PLCG2: variants seen among roughly 807,000 people sequenced by gnomAD.
The protein encoded by PLCG2 is phospholipase C gamma 2.
Under a neutral mutation model 175.6 loss-of-function variants are expected in PLCG2, and 69 were observed. The observed-to-expected ratio is 0.39, with a 90% confidence interval of 0.32 to 0.48. The LOEUF (loss-of-function observed/expected upper bound fraction) is 0.48. PLCG2 is among the 20% of genes least tolerant of loss of function. The probability of loss-of-function intolerance (pLI) is 0.91; values close to 1 mark genes in which losing one functional copy is unlikely to be tolerated. For missense variants in PLCG2, 1,798 were observed against 1,650.9 expected, an observed-to-expected ratio of 1.09 and a Z score of -1.54; for synonymous variants, 827 against 624.0, an observed-to-expected ratio of 1.33 and a Z score of -4.85.
intron 7 of PLCG2, among the ~76,000 whole-genome samples, chr16:81,873,353 A>T (rs996128612): frequency 1.3e-5 from 2 of 152,266 alleles, no homozygotes; most frequent in African/African-American, 4.8e-5. Context: ...AGCTTATCAG[A>T]ATACTTTTTA....
In PLCG2 at chr16:81,895,812, T is replaced by C. The variant is rs1204045259; in HGVS notation, c.1078T>C (p.Cys360Arg). ...TGCCGCGTTTCTCCCTGTAGTGGAC[T>C]GCTGGGACGGGCCCGATGGGAAGCC... The part of the protein sequence containing the change: ...RMGCRCIELD[C>R]WDGPDGKPVI... The change falls in exon 13 of 33, where the codon TGC (cysteine) becomes CGC (arginine). Residue 360 changes from cysteine to arginine, a missense_variant. Physicochemically the swap from Cys to Arg is radical, Grantham distance 180 (BLOSUM62 -3). Transcript: ENST00000564138. The C allele has an allele frequency of 6.2e-7, 1 of 1,613,988 alleles. No homozygotes were observed. Among genetic ancestry groups the C allele is most frequent in the Non-Finnish European group, 8.5e-7 (1 of 1,180,018 alleles).
At position 81,854,527 on chromosome 16, in the gene PLCG2, G is replaced by C. The variant is rs1567499885; in HGVS notation, c.277G>C (p.Asp93His). ...AGCAAAAGCAGTTCGCCAGAAAGAAGACTGCTGCTTCACCATCCTATATGG... is the reference window on the plus strand; with the variant it reads ...AGCAAAAGCAGTTCGCCAGAAAGAACACTGCTGCTTCACCATCCTATATGG... ...ERAKAVRQKEDCCFTILYGTQ... is the reference protein window; with the variant it reads ...ERAKAVRQKEHCCFTILYGTQ... Residue 93 changes from aspartate to histidine, a missense_variant, in exon 3 of 33, where the codon GAC becomes CAC. Coordinates refer to ENST00000564138, the MANE Select transcript of PLCG2 (RefSeq NM_002661.5). 14 of 1,613,926 alleles carry C rather than the reference G, an allele frequency of 8.7e-6. No homozygotes were observed. Among genetic ancestry groups the C allele is most frequent in the Non-Finnish European group, 1.2e-5 (14 of 1,179,778 alleles).
At chr16:81,911,507 G>A (rs1232226403) in intron 18 of PLCG2, among the ~76,000 whole-genome samples, 3 of 151,770 alleles carry the variant, frequency 2.0e-5, no homozygotes, top group South Asian at 4.2e-4. Flanking sequence ...GAACAATCAC[G>A]TCTCGCAGCA....
At chr16:81,745,761 G>A (rs556962881) in intron 1 of PLCG2, among the ~76,000 whole-genome samples, 2 of 152,328 alleles carry the variant, frequency 1.3e-5, no homozygotes, top group South Asian at 2.1e-4. Flanking sequence ...GGTCAGGGGG[G>A]AGCTTGGCCC....
intron 2 of PLCG2, among the ~76,000 whole-genome samples, chr16:81,844,781 T>C (rs1191250723): frequency 6.6e-6 from 1 of 152,264 alleles, no homozygotes; most frequent in Non-Finnish European, 1.5e-5. Flanking sequence ...GTATATAATA[T>C]GTACATGTAC....
intron 2 of PLCG2, among the ~76,000 whole-genome samples, chr16:81,842,548 C>G (rs1018700879): frequency 1.3e-5 from 2 of 152,098 alleles, no homozygotes; most frequent in Admixed American, 1.3e-4. Flanking sequence ...TTCTGTCTGT[C>G]TGTTTGCTCG....
chr16:81,854,585 C>T lies in PLCG2; in HGVS notation c.335C>T (p.Ala112Val), dbSNP rs1329320173. The T allele has an allele frequency of 3.7e-6, 6 of 1,613,328 alleles. No individual in the cohort carries two copies. The highest frequency in any genetic ancestry group is 2.7e-5 in the African/African-American group (2 of 74,918). ...TQFVLSTLSL[A>V]ADSKEDAVNW... ...TTCGTCCTCAGCACGCTCAGCTTGG[C>T]AGGTAGGTGCATGTTTCTGTGCCTT... The change falls in exon 3 of 33, where the codon GCA becomes GTA. Residue 112 changes from alanine to valine, a missense_variant and splice_region_variant. By Grantham distance (64) the Ala-to-Val change is moderately conservative. Transcript: ENST00000564138.
At chr16:81,742,720 T>C (rs1462961756) in intron 1 of PLCG2, among the ~76,000 whole-genome samples, 2 of 151,942 alleles carry the variant, frequency 1.3e-5, no homozygotes, top group Non-Finnish European at 2.9e-5. Context: ...CCACGGTGGG[T>C]GCTATGAAGG....
At chr16:81,807,898 A>C (rs770369736) in intron 2 of PLCG2, among the ~76,000 whole-genome samples, 1 of 152,142 alleles carries the variant, frequency 6.6e-6, no homozygotes, top group African/African-American at 2.4e-5. Flanking sequence ...TCAAGAACTC[A>C]CTGAATATTG....
intron 21 of PLCG2, among the ~76,000 whole-genome samples, chr16:81,922,178 C>G (rs906271068): frequency 6.6e-6 from 1 of 152,186 alleles, no homozygotes; most frequent in Admixed American, 6.5e-5. Flanking sequence ...AGCCTCTGGC[C>G]TCCAGCTGCA....
intron 8 of PLCG2, among the ~76,000 whole-genome samples, chr16:81,881,439 C>A (rs893790379): frequency 6.6e-6 from 1 of 152,210 alleles, no homozygotes; most frequent in Non-Finnish European, 1.5e-5. Context: ...TCAGGACATT[C>A]ACTGTGCCTC....
rs188156294 is a variant in PLCG2 at position 81,961,146 on chromosome 16, G to A, written c.*3148G>A. On this transcript the variant is annotated 3_prime_UTR_variant, in exon 33 of 33. Transcript: ENST00000564138. ...TGGGAGGAACAGCCTGTAGATTTCTGAGTCTCTTAGCATGTAACTACAAAG... is the reference window on the plus strand; with the variant it reads ...TGGGAGGAACAGCCTGTAGATTTCTAAGTCTCTTAGCATGTAACTACAAAG... 1.2e-3 allele frequency: 288 copies of A among 230,752 alleles called. No individual in the cohort carries two copies. The highest frequency in any genetic ancestry group is 2.0e-3 in the Non-Finnish European group (230 of 116,492). The allele number at this position is 230,752 out of a possible 1,614,324, so 14.3% of individuals were successfully genotyped here.
intron 12 of PLCG2, 171 bp from the exon 13 acceptor site, chr16:81,895,636 G>T (rs185215805): frequency 4.7e-6 from 3 of 632,782 alleles, no homozygotes; most frequent in Non-Finnish European, 2.8e-6. Context: ...TTATGTAAGC[G>T]CACAGGGAAC....
upstream of PLCG2, among the ~76,000 whole-genome samples, chr16:81,777,540 T>C (rs1431823463): frequency 2.0e-5 from 3 of 151,978 alleles, no homozygotes; most frequent in Non-Finnish European, 4.4e-5. Flanking sequence ...GATGTCATAA[T>C]GAGTCCTTCC....
intron 2 of PLCG2, among the ~76,000 whole-genome samples, chr16:81,767,191 C>G (rs1434769982): frequency 1.5e-5 from 2 of 135,182 alleles, no homozygotes; most frequent in African/African-American, 5.7e-5. Flanking sequence ...ATCACCCACG[C>G]TGGAGTGCAG....
In PLCG2 at chr16:81,871,070, G is replaced by A. The variant is rs773503325; in HGVS notation, c.648+135G>A. On this transcript the variant is annotated intron_variant, in intron 7 of 32. Coordinates refer to ENST00000564138, the MANE Select transcript of PLCG2 (RefSeq NM_002661.5). ...TCAAGGAAACATAAATGAGAATGAT[G>A]AAAGCATACCATTTTCATCCATTAG... is the stretch of plus-strand genomic sequence containing the variant. 8.7e-4 allele frequency: 467 copies of A among 534,202 alleles called. 1 individual carries two copies. The highest frequency in any genetic ancestry group is 1.2e-3 in the Non-Finnish European group (377 of 303,208). The allele number at this position is 534,202 out of a possible 1,614,324, so 33.1% of individuals were successfully genotyped here.
intron 22 of PLCG2, among the ~76,000 whole-genome samples, chr16:81,926,861 TG>T (rs567938712): frequency 4.6e-5 from 7 of 152,338 alleles, no homozygotes; most frequent in African/African-American, 1.4e-4. Flanking sequence ...GATCATGTGA[TG>T]GGGGTAAAAT....
intron 2 of PLCG2, among the ~76,000 whole-genome samples, chr16:81,768,583 G>A (rs1187581406): frequency 4.2e-5 from 3 of 71,660 alleles, no homozygotes; most frequent in African/African-American, 1.7e-4. Context: ...TTTTTTTCCC[G>A]AGATGGAGTT....
At chr16:81,795,911 A>G (rs1241062431) in intron 2 of PLCG2, among the ~76,000 whole-genome samples, 1 of 152,200 alleles carries the variant, frequency 6.6e-6, no homozygotes, top group East Asian at 1.9e-4. Context: ...ACCAAGTGCA[A>G]GGGATGCTGG....
Sources: gnomAD v4.1 joint callset for allele counts (sites outside exome capture counted in the v4.1 genomes callset) on GRCh38, gnomAD v4.1.1 for gene constraint, MANE v1.5 for transcripts, NCBI Gene and HGNC (gene_info 2026-07-23, HGNC 2026-07-21) for gene names.